The following CRACDL variants were observed in gnomAD, a reference collection of about 807,000 sequenced individuals.
CRACDL encodes the protein CRACD-like protein.
In CRACDL, 26 loss-of-function variants were observed where a neutral mutation model predicts 70.6. The observed-to-expected ratio is 0.37, with a 90% CI of 0.27 to 0.51. CRACDL has a LOEUF of 0.51. CRACDL is among the 20% of genes least tolerant of loss of function. CRACDL has a pLI of 0.94. For missense variants in CRACDL, 1,283 were observed against 1,376.9 expected (o/e 0.93, Z 1.08); for synonymous variants, 618 against 615.2 (o/e 1.00, Z -0.07).
At chr2:98,848,496 T>G (rs1706352211) in intron 1 of CRACDL, among the ~76,000 whole-genome samples, 1 of 152,238 alleles carries the variant, frequency 6.6e-6, no homozygotes, top group Non-Finnish European at 1.5e-5. Context: ...AGGCTGCCAC[T>G]GAGCTCTAGC....
Position 98,921,136 on chromosome 2 carries a change from C to G in CRACDL, c.-11+14802G>C, listed in dbSNP as rs550161391. On this transcript the variant is annotated intron_variant, in intron 1 of 9. Coordinates refer to ENST00000397899, the MANE Select transcript of CRACDL (RefSeq NM_207362.3). ...TCTCTCCCTTGGGAAGGTGGGAGCC[C>G]CGTCTTGGAAATCAAGTCTGCCTGA... is the stretch of plus-strand genomic sequence containing the variant. Among the ~76,000 whole-genome samples the G allele has an allele frequency of 3.1e-4, 47 of 152,330 alleles. No homozygotes were observed. In the Middle Eastern group the frequency reaches 0.01, roughly 33 times the overall value.
chr2:98,869,702 T>C (rs116273781), intron 1 of CRACDL, among the ~76,000 whole-genome samples: 2,739 of 152,346 alleles, frequency 0.018, 89 homozygotes, highest in African/African-American at 0.062. Flanking sequence ...CTCGCCTTGA[T>C]GTCCACTTGC....
At chr2:98,809,399 G>A (rs914361746) in intron 7 of CRACDL, among the ~76,000 whole-genome samples, 2 of 152,086 alleles carry the variant, frequency 1.3e-5, no homozygotes, top group African/African-American at 4.8e-5. Context: ...GGGAGCACAA[G>A]TGGGTCATGT....
At chr2:98,806,024 A>G (rs1056312395) in intron 7 of CRACDL, among the ~76,000 whole-genome samples, 4 of 152,242 alleles carry the variant, frequency 2.6e-5, no homozygotes, top group Non-Finnish European at 4.4e-5. Context: ...TTCCCCGGTG[A>G]AAAGGCTGAG....
chr2:98,821,743 T>C (rs1705038095), intron 7 of CRACDL, 114 bp downstream of exon 7: 1 of 1,335,782 alleles, frequency 7.5e-7, no homozygotes. Context: ...CTCCTTCCAA[T>C]TCCCCTGCAA....
intron 1 of CRACDL, 73 bp from the exon 2 acceptor site, chr2:98,846,883 T>C (rs1706278378): frequency 2.4e-6 from 3 of 1,244,148 alleles, no homozygotes; most frequent in Non-Finnish European, 3.6e-6. Context: ...ATGGTGTTCG[T>C]GACTGCATTT....
At chr2:98,798,697 T>C (rs1343436467) in intron 7 of CRACDL, among the ~76,000 whole-genome samples, 1 of 151,644 alleles carries the variant, frequency 6.6e-6, no homozygotes, top group East Asian at 1.9e-4. Flanking sequence ...TCTTTTCTTT[T>C]CTTTTTTTTT....
At chr2:98,922,565 C>T (rs1400381844) in intron 1 of CRACDL, among the ~76,000 whole-genome samples, 1 of 152,214 alleles carries the variant, frequency 6.6e-6, no homozygotes, top group African/African-American at 2.4e-5. Context: ...CTGGCCTGGA[C>T]CTGCCATGAG....
intron 1 of CRACDL, among the ~76,000 whole-genome samples, chr2:98,906,116 A>G (rs1442312526): frequency 6.6e-6 from 1 of 152,074 alleles, no homozygotes; most frequent in Non-Finnish European, 1.5e-5. Context: ...AGGCTCTGCT[A>G]ATTTCTTTTC....
chr2:98,815,475 A>C (rs1704744791), intron 7 of CRACDL, among the ~76,000 whole-genome samples: 1 of 152,190 alleles, frequency 6.6e-6, no homozygotes, highest in Non-Finnish European at 1.5e-5. Context: ...GCCTCTCTGC[A>C]CTGTAGCACC....
At chr2:98,869,328 G>A (rs770528251) in intron 1 of CRACDL, 7 of 1,179,846 alleles carry the variant, frequency 5.9e-6, no homozygotes, top group Non-Finnish European at 7.6e-6. Flanking sequence ...TGTGCCCCGT[G>A]AGCTCCTTGG....
intron 1 of CRACDL, among the ~76,000 whole-genome samples, chr2:98,891,376 CAAAAAAAA>C (rs548988640): frequency 0.081 from 3,063 of 37,794 alleles, 150 homozygotes; most frequent in Admixed American, 0.26. Flanking sequence ...GACTCCGTCT[CAAAAAAAA>C]AAAAAAAAAA....
chr2:98,923,310 T>C (rs1708846755), intron 1 of CRACDL, among the ~76,000 whole-genome samples: 1 of 152,010 alleles, frequency 6.6e-6, no homozygotes, highest in Non-Finnish European at 1.5e-5. Flanking sequence ...GTGATCATGT[T>C]TGGTTACCTC....
chr2:98,920,792 G>A (rs927357830), intron 1 of CRACDL, among the ~76,000 whole-genome samples: 3 of 152,116 alleles, frequency 2.0e-5, no homozygotes, highest in South Asian at 2.1e-4. Context: ...AATCACCCAC[G>A]TGTCTGTGTC....
chr2:98,903,796 T>C (rs1256055000), intron 1 of CRACDL, among the ~76,000 whole-genome samples: 2 of 152,222 alleles, frequency 1.3e-5, no homozygotes, highest in Admixed American at 6.5e-5. Flanking sequence ...CACTAAATTA[T>C]GAAGAAAAAG....
chr2:98,930,860 G>A (rs902761407), intron 1 of CRACDL, among the ~76,000 whole-genome samples: 4 of 152,210 alleles, frequency 2.6e-5, no homozygotes, highest in African/African-American at 4.8e-5. Flanking sequence ...TTACAAGAAA[G>A]ACAATAAGAG....
chr2:98,840,654 T>C (rs546594955), intron 2 of CRACDL: 1 of 152,340 alleles, frequency 6.6e-6, no homozygotes, highest in South Asian at 2.1e-4. Context: ...ATTTCCACTT[T>C]ACAACTTTAT....
At chr2:98,884,042 TG>T (rs994754558) in intron 1 of CRACDL, among the ~76,000 whole-genome samples, 3 of 151,940 alleles carry the variant, frequency 2.0e-5, no homozygotes, top group Non-Finnish European at 4.4e-5. Context: ...CGGCGTGTGT[TG>T]GGGGGATGGG....
intron 7 of CRACDL, among the ~76,000 whole-genome samples, chr2:98,819,319 C>T (rs1207034074): frequency 2.0e-5 from 3 of 152,218 alleles, no homozygotes; most frequent in African/African-American, 4.8e-5. Flanking sequence ...ATTTAGCAAG[C>T]TCTTGAGAGA....
Sources: allele counts gnomAD v4.1 joint callset (sites outside exome capture counted in the v4.1 genomes callset), GRCh38; gene constraint gnomAD v4.1.1; transcripts MANE v1.5; gene names NCBI Gene and HGNC (gene_info 2026-07-23, HGNC 2026-07-21).